Variants in CYP20A1 observed in about 807,000 individuals in gnomAD.
The protein encoded by CYP20A1 is cytochrome P450 family 20 subfamily A member 1.
Under a neutral mutation model 61.4 loss-of-function variants are expected in CYP20A1, and 61 were observed. The ratio of observed to expected loss-of-function variants is 0.99; its 90% confidence interval spans 0.81 to 1.23. The LOEUF is 1.23. CYP20A1 is among the 50% of genes most tolerant of loss of function. CYP20A1 has a pLI of 0.00. For synonymous variants in CYP20A1, 193 were observed against 188.2 expected (o/e 1.03, Z -0.21); for missense variants, 530 against 542.4 (o/e 0.98, Z 0.23).
Position 203,305,800 on chromosome 2 carries a change from G to A in CYP20A1, c.*8892G>A, listed in dbSNP as rs1041763799. Among the ~76,000 whole-genome samples the A allele has an allele frequency of 7.9e-5, 12 of 152,008 alleles. No homozygotes were observed. Among genetic ancestry groups the A allele is most frequent in the Non-Finnish European group, 1.3e-4 (9 of 68,010 alleles). Reference sequence around the variant, plus strand: ...GTAAATGAATGAAATCTTTATTGCCGGTGTTCTGTGCACATAGAATAAAGG... The same window carrying A: ...GTAAATGAATGAAATCTTTATTGCCAGTGTTCTGTGCACATAGAATAAAGG... On this transcript the variant is annotated 3_prime_UTR_variant, in exon 13 of 13. Coordinates refer to ENST00000356079, the MANE Select transcript of CYP20A1 (RefSeq NM_177538.3).
intron 11 of CYP20A1, among the ~76,000 whole-genome samples, chr2:203,294,941 A>ATTT (rs1167546590): frequency 4.6e-4 from 21 of 45,466 alleles, no homozygotes; most frequent in East Asian, 1.4e-3. Flanking sequence ...CTTTAAAAAA[A>ATTT]TTTTTTTTTT....
At position 203,283,959 on chromosome 2, in the gene CYP20A1, G is replaced by A. The variant is rs1213519845; in HGVS notation, c.851-1653G>A. ...GTATATTACTCTATGTTGTAAAATT[G>A]TGTGACATACATATTGTACACTGCA... On this transcript the variant is annotated intron_variant, in intron 8 of 12. Coordinates refer to ENST00000356079, the MANE Select transcript of CYP20A1 (RefSeq NM_177538.3). Among the ~76,000 whole-genome samples the A allele has an allele frequency of 2.6e-5, 4 of 152,132 alleles. No individual in the cohort carries two copies. In the East Asian group the frequency reaches 7.7e-4, roughly 29 times the overall value.
rs146387241 is a variant in CYP20A1, at chr2:203,248,727, C to T, written c.289+1806C>T. ...CTCAATCCCTGCCTTATTCTATTCC[C>T]CCCGCCCCGCCCAGCTTTTGCCCAG... is the stretch of plus-strand genomic sequence containing the variant. On this transcript the variant is annotated intron_variant, in intron 3 of 12. Coordinates refer to ENST00000356079, the MANE Select transcript of CYP20A1 (RefSeq NM_177538.3). Among the ~76,000 whole-genome samples the T allele has an allele frequency of 1.4e-4, 21 of 152,114 alleles. 1 individual carries two copies. The highest frequency in any genetic ancestry group is 5.1e-4 in the African/African-American group (21 of 41,530).
intron 11 of CYP20A1, among the ~76,000 whole-genome samples, chr2:203,295,326 T>A (rs1051370128): frequency 3.3e-5 from 5 of 151,668 alleles, no homozygotes; most frequent in Middle Eastern, 3.2e-3. Context: ...CCTCCCACCT[T>A]GGCGTCACAA....
At chr2:203,284,304 C>G (rs2068172869) in intron 8 of CYP20A1, among the ~76,000 whole-genome samples, 1 of 152,066 alleles carries the variant, frequency 6.6e-6, no homozygotes, top group Non-Finnish European at 1.5e-5. Flanking sequence ...AAGTATTTGA[C>G]ACAGGAACAA....
chr2:203,288,030 C>T (rs1262664590), intron 9 of CYP20A1, among the ~76,000 whole-genome samples: 5 of 107,276 alleles, frequency 4.7e-5, no homozygotes, highest in Non-Finnish European at 7.7e-5. Flanking sequence ...TTGTTGTTTG[C>T]AGGTTTCAGC....
At chr2:203,239,188 C>T (rs2066151030) in intron 1 of CYP20A1, 54 bp downstream of exon 1, 1 of 1,488,376 alleles carries the variant, frequency 6.7e-7, no homozygotes, top group East Asian at 2.3e-5. Context: ...GTCTCTCTGT[C>T]GCCGGCATCC....
intron 4 of CYP20A1, among the ~76,000 whole-genome samples, chr2:203,260,877 AG>A (rs1183029909): frequency 2.0e-5 from 3 of 151,960 alleles, no homozygotes; most frequent in Non-Finnish European, 4.4e-5. Context: ...TAAGATTTTT[AG>A]TTTGTTTTCC....
rs560430011 is a variant in CYP20A1, at chr2:203,300,333, G to A, written c.*3425G>A. Reference sequence around the variant, plus strand: ...AAAGTACTGTTAATATATAAACTAAGTTATTCATTCACTGTTTTTCTTCAC... The same window carrying A: ...AAAGTACTGTTAATATATAAACTAAATTATTCATTCACTGTTTTTCTTCAC... On this transcript the variant is annotated 3_prime_UTR_variant, in exon 13 of 13. Coordinates refer to ENST00000356079, the MANE Select transcript of CYP20A1 (RefSeq NM_177538.3). Among the ~76,000 whole-genome samples the A allele has an allele frequency of 1.3e-5, 2 of 152,214 alleles. No individual in the cohort carries two copies. Among genetic ancestry groups the A allele is most frequent in the African/African-American group, 4.8e-5 (2 of 41,544 alleles).
intron 1 of CYP20A1, among the ~76,000 whole-genome samples, chr2:203,243,113 A>C (rs1386173063): frequency 6.6e-6 from 1 of 152,140 alleles, no homozygotes; most frequent in African/African-American, 2.4e-5. Context: ...CCTGTCTTCA[A>C]ATCTTCTGTC....
At chr2:203,293,459 C>G (rs1191931439) in intron 11 of CYP20A1, among the ~76,000 whole-genome samples, 1 of 151,190 alleles carries the variant, frequency 6.6e-6, no homozygotes, top group Admixed American at 6.6e-5. Context: ...TCATGATCCA[C>G]CCGCCTCAGC....
intron 9 of CYP20A1, among the ~76,000 whole-genome samples, chr2:203,288,448 T>C (rs192445343): frequency 6.6e-6 from 1 of 152,248 alleles, no homozygotes; most frequent in East Asian, 1.9e-4. Context: ...CTGAACTTCC[T>C]TTATAACATG....
intron 1 of CYP20A1, among the ~76,000 whole-genome samples, chr2:203,241,535 T>C (rs960281421): frequency 6.6e-6 from 1 of 152,196 alleles, no homozygotes; most frequent in Non-Finnish European, 1.5e-5. Flanking sequence ...CAAAGGAGAC[T>C]GAGAAGGAGC....
rs750604084 is a variant in CYP20A1 at position 203,251,966 on chromosome 2, G to T, written c.290-1G>T. On this transcript the variant is annotated splice_acceptor_variant, in intron 3 of 12. Coordinates refer to ENST00000356079, the MANE Select transcript of CYP20A1 (RefSeq NM_177538.3). LOFTEE classifies it high-confidence loss of function. ...AGAAATATTTAATTTGTCTGTTTCA[G>T]CGGACCCTTTTGAAACCATGCTGAA... 1.9e-5 allele frequency: 29 copies of T among 1,551,120 alleles called. No individual in the cohort carries two copies. Among genetic ancestry groups the T allele is most frequent in the Non-Finnish European group, 2.5e-5 (29 of 1,145,354 alleles).
chr2:203,289,577 A>G (rs1273807242), intron 9 of CYP20A1, among the ~76,000 whole-genome samples, 188 bp from the exon 10 acceptor site: 1 of 151,872 alleles, frequency 6.6e-6, no homozygotes, highest in African/African-American at 2.4e-5. Flanking sequence ...TTTATTTTAA[A>G]ATTTATAAAA....
chr2:203,243,344 G>T (rs10173354), intron 1 of CYP20A1, among the ~76,000 whole-genome samples: 1 of 151,652 alleles, frequency 6.6e-6, no homozygotes, highest in African/African-American at 2.4e-5. Flanking sequence ...GGGTTTCACT[G>T]TGTTGGCCAG....
intron 3 of CYP20A1, among the ~76,000 whole-genome samples, chr2:203,247,890 T>A (rs1189360626): frequency 6.6e-6 from 1 of 151,434 alleles, no homozygotes; most frequent in Non-Finnish European, 1.5e-5. Context: ...GGGAAATACT[T>A]GTACCATCAG....
intron 4 of CYP20A1, among the ~76,000 whole-genome samples, chr2:203,257,306 A>G (rs2066928362): frequency 6.7e-6 from 1 of 149,394 alleles, no homozygotes. Flanking sequence ...GGCGACTGTG[A>G]GACACTGTCT....
At chr2:203,261,149 G>C (rs1183553569) in intron 4 of CYP20A1, among the ~76,000 whole-genome samples, 2 of 151,838 alleles carry the variant, frequency 1.3e-5, no homozygotes, top group East Asian at 3.9e-4. Context: ...TGGGAGGATT[G>C]CCTGAGTCCA....
Sources: gnomAD v4.1 joint callset for allele counts (sites outside exome capture counted in the v4.1 genomes callset) on GRCh38, gnomAD v4.1.1 for gene constraint, MANE v1.5 for transcripts, NCBI Gene and HGNC (gene_info 2026-07-23, HGNC 2026-07-21) for gene names.